Variants in RGS22 observed in about 807,000 individuals in gnomAD.
RGS22 encodes the protein regulator of G protein signaling 22, also known as regulator of G-protein signaling 22.
A neutral mutation model predicts 172.9 loss-of-function variants in RGS22; 148 were observed. The observed-to-expected ratio is 0.86, with a 90% CI of 0.75 to 0.98. The LOEUF (loss-of-function observed/expected upper bound fraction) is 0.98, where lower values mean the gene tolerates loss of function less well. Among genes scored for constraint, RGS22 ranks in the 50% least tolerant of loss-of-function variants. The pLI, the probability that RGS22 is intolerant of heterozygous loss-of-function variation, is 0.00. For synonymous variants in RGS22, 458 were observed against 480.2 expected (o/e 0.95, Z 0.60); for missense variants, 1,347 against 1,440.8 (o/e 0.93, Z 1.05).
At position 100,052,225 on chromosome 8, in the gene RGS22, ATATATG is replaced by A. The variant is rs547600478; in HGVS notation, c.1689+571_1689+576del. Among the ~76,000 whole-genome samples the A allele has an allele frequency of 1.5e-3, 172 of 118,196 alleles. 3 individuals carry two copies. Among genetic ancestry groups the A allele is most frequent in the African/African-American group, 5.5e-3 (146 of 26,710 alleles). The allele number at this position is 118,196 out of a possible 152,430, so 77.5% of individuals were successfully genotyped here. On this transcript the variant is annotated intron_variant, in intron 10 of 27. Coordinates refer to ENST00000360863, the MANE Select transcript of RGS22 (RefSeq NM_015668.5). ...TATAAACATATATAAATATACACAT[ATATATG>A]TATATTTATATATAAATATATAAAT...
At chr8:99,970,660 C>T (rs539672600) in intron 23 of RGS22, among the ~76,000 whole-genome samples, 2 of 152,072 alleles carry the variant, frequency 1.3e-5, no homozygotes, top group African/African-American at 4.8e-5. Flanking sequence ...ACACATACAC[C>T]CTCCCAAGAC....
At chr8:100,080,749 C>T (rs1318559998) in intron 3 of RGS22, 2 of 166,272 alleles carry the variant, frequency 1.2e-5, no homozygotes, top group Admixed American at 5.9e-5. Flanking sequence ...TGTCTTTCAT[C>T]CTTAGGAGCC....
chr8:99,983,923 A>T (rs1316896864), intron 21 of RGS22, among the ~76,000 whole-genome samples: 1 of 152,184 alleles, frequency 6.6e-6, no homozygotes, highest in African/African-American at 2.4e-5. Context: ...AAGTGTGAAA[A>T]AAGCTTAATA....
Position 100,105,983 on chromosome 8 carries a change from C to T in RGS22, c.-62G>A. 1.5e-6 allele frequency: 2 copies of T among 1,322,622 alleles called. No individual in the cohort carries two copies. Among genetic ancestry groups the T allele is most frequent in the Non-Finnish European group, 1.9e-6 (2 of 1,040,718 alleles). The allele number at this position is 1,322,622 out of a possible 1,614,324, so 81.9% of individuals were successfully genotyped here. On this transcript the variant is annotated 5_prime_UTR_variant, in exon 1 of 28. Coordinates refer to ENST00000360863, the MANE Select transcript of RGS22 (RefSeq NM_015668.5). ...CCGTCAGGGCCCTAGCGCGCGGGTCCAGCGCGGGTCAGGGCCTGAGCGACG... is the reference window on the plus strand; with the variant it reads ...CCGTCAGGGCCCTAGCGCGCGGGTCTAGCGCGGGTCAGGGCCTGAGCGACG...
chr8:100,057,135 C>A (rs555155022), intron 9 of RGS22, among the ~76,000 whole-genome samples: 2 of 152,278 alleles, frequency 1.3e-5, no homozygotes, highest in East Asian at 3.9e-4. Context: ...GGCTGTCCTG[C>A]TGGATTTTGG....
intron 3 of RGS22, among the ~76,000 whole-genome samples, chr8:100,083,577 A>T (rs1257864231): frequency 6.6e-6 from 1 of 152,138 alleles, no homozygotes; most frequent in African/African-American, 2.4e-5. Flanking sequence ...CATGTTGGCC[A>T]GGATGGTCTC....
chr8:100,014,780 A>AT (rs1816775771), intron 14 of RGS22, among the ~76,000 whole-genome samples: 1 of 152,024 alleles, frequency 6.6e-6, no homozygotes, highest in South Asian at 2.1e-4. Flanking sequence ...CCCTCACAGG[A>AT]TTTTTGTACT....
At chr8:100,006,172 C>T (rs1815687847) in intron 15 of RGS22, 63 bp from the exon 16 acceptor site, 1 of 1,310,896 alleles carries the variant, frequency 7.6e-7, no homozygotes, top group East Asian at 2.3e-5. Flanking sequence ...TAACAGTGGG[C>T]TGAAAAACAA....
At chr8:100,021,027 A>G (rs1392316509) in intron 14 of RGS22, among the ~76,000 whole-genome samples, 2 of 152,242 alleles carry the variant, frequency 1.3e-5, no homozygotes, top group East Asian at 3.8e-4. Context: ...TTTTTCCCCT[A>G]GAGATCTGGT....
intron 23 of RGS22, among the ~76,000 whole-genome samples, chr8:99,973,913 T>C (rs1811646469): frequency 6.6e-6 from 1 of 150,830 alleles, no homozygotes; most frequent in Admixed American, 6.6e-5. Context: ...AGATGATGGG[T>C]TGATGGGTGC....
At chr8:100,020,295 A>G (rs967007289) in intron 14 of RGS22, among the ~76,000 whole-genome samples, 5 of 152,200 alleles carry the variant, frequency 3.3e-5, no homozygotes, top group Non-Finnish European at 7.3e-5. Context: ...TATTCCACAA[A>G]AGCCATGGCA....
chr8:100,081,396 G>A (rs1443902410), intron 3 of RGS22, among the ~76,000 whole-genome samples: 1 of 144,248 alleles, frequency 6.9e-6, no homozygotes, highest in African/African-American at 2.5e-5. Flanking sequence ...AAATTTTAAT[G>A]TCTCATAATA....
chr8:100,026,714 T>A (rs1421117898), intron 14 of RGS22, among the ~76,000 whole-genome samples: 2 of 152,176 alleles, frequency 1.3e-5, no homozygotes, highest in African/African-American at 4.8e-5. Flanking sequence ...TAGAAAGATG[T>A]AAAATTGATT....
chr8:100,034,283 C>T lies in RGS22; in HGVS notation c.2166+4648G>A, dbSNP rs1819188807. Among the ~76,000 whole-genome samples the T allele has an allele frequency of 1.3e-5, 2 of 152,118 alleles. 1 individual carries two copies. The highest frequency in any genetic ancestry group is 4.1e-4 in the South Asian group (2 of 4,826). On this transcript the variant is annotated intron_variant, in intron 14 of 27. Coordinates refer to ENST00000360863, the MANE Select transcript of RGS22 (RefSeq NM_015668.5). ...TCAGCAAAGTCTCAGGATACAAAAT[C>T]AATGTGCAAAAATCACAAGCATTCC...
chr8:100,076,827 T>G (rs1223276543), intron 4 of RGS22, among the ~76,000 whole-genome samples: 2 of 152,104 alleles, frequency 1.3e-5, no homozygotes, highest in African/African-American at 4.8e-5. Context: ...ACCCCATCTC[T>G]ACTAAAAATG....
rs371008482 is a variant in RGS22, at chr8:99,995,309, T to C, written c.3018+1153A>G. Among the ~76,000 whole-genome samples, 33 of 152,202 alleles carry C rather than the reference T, an allele frequency of 2.2e-4. No individual in the cohort carries two copies. In the East Asian group the frequency reaches 5.0e-3, roughly 23 times the overall value. On this transcript the variant is annotated intron_variant, in intron 20 of 27. Coordinates refer to ENST00000360863, the MANE Select transcript of RGS22 (RefSeq NM_015668.5). ...TGAGTTTCTGCACAGCAAAAGAAACTACCATCAGAGTGAACAGGCAACCTA... is the reference window on the plus strand; with the variant it reads ...TGAGTTTCTGCACAGCAAAAGAAACCACCATCAGAGTGAACAGGCAACCTA...
intron 16 of RGS22, 101 bp from the exon 17 acceptor site, chr8:100,004,199 G>C: frequency 7.3e-7 from 1 of 1,365,092 alleles, no homozygotes; most frequent in Non-Finnish European, 9.5e-7. Flanking sequence ...TTAGGCCAAA[G>C]CCATTTAATA....
chr8:100,035,669 T>C (rs1484287513), intron 14 of RGS22, among the ~76,000 whole-genome samples: 1 of 152,222 alleles, frequency 6.6e-6, no homozygotes, highest in Non-Finnish European at 1.5e-5. Flanking sequence ...GTATGTTTAC[T>C]GTGGCACTAT....
intron 18 of RGS22, 63 bp from the exon 19 acceptor site, chr8:99,999,483 T>TA: frequency 5.8e-6 from 9 of 1,552,408 alleles, no homozygotes; most frequent in Non-Finnish European, 7.9e-6. Context: ...TAATAGTCAT[T>TA]AATTCATTCA....
Sources: gnomAD v4.1 joint callset for allele counts (sites outside exome capture counted in the v4.1 genomes callset) on GRCh38, gnomAD v4.1.1 for gene constraint, MANE v1.5 for transcripts, NCBI Gene and HGNC (gene_info 2026-07-23, HGNC 2026-07-21) for gene names.